Variants in EXOC4 observed in about 807,000 individuals in gnomAD.
EXOC4 encodes the protein SEC8-like 1.
A neutral mutation model predicts 107.2 loss-of-function variants in EXOC4; 71 were observed. The observed-to-expected ratio is 0.66, with a 90% CI of 0.55 to 0.81. EXOC4 has a LOEUF of 0.81. EXOC4 is among the 30% of genes least tolerant of loss of function. The pLI, the probability that EXOC4 is intolerant of heterozygous loss-of-function variation, is 0.00. For missense variants in EXOC4, 1,108 were observed against 1,189.6 expected (o/e 0.93, Z 1.01); for synonymous variants, 456 against 441.2 (o/e 1.03, Z -0.42).
At chr7:134,032,515 T>C (rs1356335323) in intron 17 of EXOC4, among the ~76,000 whole-genome samples, 1 of 152,184 alleles carries the variant, frequency 6.6e-6, no homozygotes. Flanking sequence ...CACCTCTTAC[T>C]GCCACCATTC....
chr7:133,822,970 C>G (rs1797559270), intron 11 of EXOC4, among the ~76,000 whole-genome samples: 2 of 152,176 alleles, frequency 1.3e-5, no homozygotes, highest in Non-Finnish European at 2.9e-5. Context: ...GAAGCTGCTT[C>G]CTAGTCTAGC....
chr7:133,337,588 T>G (rs919508609), intron 5 of EXOC4, among the ~76,000 whole-genome samples: 1 of 151,982 alleles, frequency 6.6e-6, no homozygotes, highest in Non-Finnish European at 1.5e-5. Context: ...AAAATTTTTC[T>G]TGTATTTCCT....
chr7:133,610,198 G>T (rs1802045398), intron 9 of EXOC4, among the ~76,000 whole-genome samples: 1 of 152,168 alleles, frequency 6.6e-6, no homozygotes, highest in Non-Finnish European at 1.5e-5. Context: ...CTTGGTAATG[G>T]TTCCTGACTT....
At chr7:133,574,210 C>T (rs1239768580) in intron 9 of EXOC4, among the ~76,000 whole-genome samples, 7 of 152,014 alleles carry the variant, frequency 4.6e-5, no homozygotes, top group South Asian at 2.1e-4. Flanking sequence ...TTTGTGCACA[C>T]GTATGTGTGT....
intron 5 of EXOC4, among the ~76,000 whole-genome samples, chr7:133,326,683 C>T (rs1419719417): frequency 2.0e-5 from 3 of 152,198 alleles, no homozygotes; most frequent in East Asian, 3.9e-4. Flanking sequence ...GCAGTCTGTC[C>T]GTTCTCAGAT....
intron 7 of EXOC4, among the ~76,000 whole-genome samples, chr7:133,382,890 G>T (rs1160265246): frequency 6.6e-6 from 1 of 152,116 alleles, no homozygotes. Context: ...AGGCTCATTT[G>T]TCTCAGCGTG....
In EXOC4 at chr7:133,253,175, T is replaced by C. The variant is rs1449389802; in HGVS notation, c.74T>C (p.Ile25Thr). ...AGCAAAGACCCCTCGGGGCTGCTCATCTCTGTGATCAGGTGAGGGAGGCAG... is the reference window on the plus strand; with the variant it reads ...AGCAAAGACCCCTCGGGGCTGCTCACCTCTGTGATCAGGTGAGGGAGGCAG... ...SKSKDPSGLL[I>T]SVIRTLSTSD... The change falls in exon 1 of 18, where the codon ATC (isoleucine) becomes ACC (threonine). Residue 25 changes from isoleucine (I) to threonine (T), a missense_variant. Physicochemically the swap from Ile to Thr is moderately conservative, Grantham distance 89 (BLOSUM62 -1). Transcript: ENST00000253861. 1 of 1,613,908 alleles carries C rather than the reference T, an allele frequency of 6.2e-7. No homozygotes were observed. The highest frequency in any genetic ancestry group is 8.5e-7 in the Non-Finnish European group (1 of 1,179,942).
intron 10 of EXOC4, among the ~76,000 whole-genome samples, chr7:133,772,538 A>C (rs1796265807): frequency 8.1e-6 from 1 of 123,432 alleles, no homozygotes; most frequent in South Asian, 2.7e-4. Context: ...AAAAAAAAAA[A>C]AACCTTAAAT....
intron 9 of EXOC4, among the ~76,000 whole-genome samples, chr7:133,553,000 T>C (rs1309011778): frequency 2.0e-5 from 3 of 152,094 alleles, no homozygotes; most frequent in Non-Finnish European, 4.4e-5. Flanking sequence ...TGAAGGATCA[T>C]TGACTGGGTT....
intron 9 of EXOC4, among the ~76,000 whole-genome samples, chr7:133,621,042 A>G (rs1802316809): frequency 6.6e-6 from 1 of 152,134 alleles, no homozygotes; most frequent in African/African-American, 2.4e-5. Context: ...AGAACATGCC[A>G]TTTTCAGACT....
chr7:133,761,854 A>G (rs1057229991), intron 10 of EXOC4, among the ~76,000 whole-genome samples: 6 of 152,226 alleles, frequency 3.9e-5, no homozygotes, highest in African/African-American at 1.4e-4. Flanking sequence ...GTACTGACCA[A>G]GTGAACAACT....
intron 9 of EXOC4, among the ~76,000 whole-genome samples, chr7:133,616,225 C>T (rs886092009): frequency 6.6e-6 from 1 of 151,960 alleles, no homozygotes; most frequent in Non-Finnish European, 1.5e-5. Flanking sequence ...CTTTTTTATT[C>T]CTTTGGTTTA....
At chr7:134,097,744 C>A in the EXOC4 span, among the ~76,000 whole-genome samples, 4 of 152,170 alleles carry the variant, frequency 2.6e-5, no homozygotes, top group Non-Finnish European at 5.9e-5. Flanking sequence ...TAAGACCCTT[C>A]TCCTCATTAT....
At chr7:133,852,598 C>G (rs1457712379) in intron 11 of EXOC4, among the ~76,000 whole-genome samples, 1 of 152,154 alleles carries the variant, frequency 6.6e-6, no homozygotes, top group Non-Finnish European at 1.5e-5. Flanking sequence ...AGCATAATAT[C>G]TAGGTGAATG....
the EXOC4 span, among the ~76,000 whole-genome samples, chr7:134,090,076 G>A: frequency 6.6e-6 from 1 of 152,070 alleles, no homozygotes; most frequent in Non-Finnish European, 1.5e-5. Flanking sequence ...AATGTAAAAG[G>A]CATTACACTT....
intron 9 of EXOC4, among the ~76,000 whole-genome samples, chr7:133,528,126 AC>A (rs1185815815): frequency 6.6e-6 from 1 of 152,138 alleles, no homozygotes; most frequent in Non-Finnish European, 1.5e-5. Context: ...AGTAGTGAAG[AC>A]TCACCTGATA....
chr7:133,851,953 G>A (rs1226936915), intron 11 of EXOC4, among the ~76,000 whole-genome samples: 1 of 152,112 alleles, frequency 6.6e-6, no homozygotes. Flanking sequence ...TAAGAACCTA[G>A]TCAAACTTCT....
chr7:133,253,087 C>G lies in EXOC4; in HGVS notation c.-15C>G. On this transcript the variant is annotated 5_prime_UTR_variant, in exon 1 of 18. Transcript: ENST00000253861. ...TTGGCTTCCTTGGAGCCTAGCGGCTCTCCCCGCGTCCAAGATGGCGGCAGA... is the reference window on the plus strand; with the variant it reads ...TTGGCTTCCTTGGAGCCTAGCGGCTGTCCCCGCGTCCAAGATGGCGGCAGA... 3 of 1,613,932 alleles carry G rather than the reference C, an allele frequency of 1.9e-6. No homozygotes were observed. Among genetic ancestry groups the G allele is most frequent in the Non-Finnish European group, 2.5e-6 (3 of 1,179,798 alleles).
intron 17 of EXOC4, among the ~76,000 whole-genome samples, chr7:134,016,026 GA>G (rs1371573686): frequency 1.3e-5 from 2 of 152,166 alleles, no homozygotes; most frequent in African/African-American, 4.8e-5. Context: ...AGGGTAAAGT[GA>G]AGGAGTCAAG....
Sources: gnomAD v4.1 joint callset for allele counts (sites outside exome capture counted in the v4.1 genomes callset) on GRCh38, gnomAD v4.1.1 for gene constraint, MANE v1.5 for transcripts, NCBI Gene and HGNC (gene_info 2026-07-23, HGNC 2026-07-21) for gene names.